EXTL2: variants seen among roughly 807,000 people sequenced by gnomAD.
EXTL2 encodes the protein exostosin like glycosyltransferase 2, also known as exostosin-like 2.
In EXTL2, 23 loss-of-function variants were observed where a neutral mutation model predicts 30.7. The ratio of observed to expected loss-of-function variants is 0.75; its 90% CI spans 0.54 to 1.06. The LOEUF (loss-of-function observed/expected upper bound fraction) is 1.06, where lower values mean the gene tolerates loss of function less well. Ranked by LOEUF, EXTL2 falls within the 50% of genes least tolerant of loss-of-function variation. The pLI, the probability that EXTL2 is intolerant of heterozygous loss-of-function variation, is 0.00. For synonymous variants in EXTL2, 123 were observed against 133.8 expected, an observed-to-expected ratio of 0.92 and a Z score of 0.56; for missense variants, 352 against 396.3, an observed-to-expected ratio of 0.89 and a Z score of 0.95.
intron 2 of EXTL2, among the ~76,000 whole-genome samples, chr1:100,882,951 C>G (rs1285732192): frequency 6.6e-6 from 1 of 152,192 alleles, no homozygotes; most frequent in Non-Finnish European, 1.5e-5. Flanking sequence ...TCAGGGTCCT[C>G]CTTAGCCAGT....
chr1:100,890,857 C>G (rs1403860363), intron 1 of EXTL2, among the ~76,000 whole-genome samples: 2 of 152,216 alleles, frequency 1.3e-5, no homozygotes, highest in Admixed American at 1.3e-4. Context: ...TACCCATTAC[C>G]CAGTTCCAAA....
chr1:100,875,539 G>A lies in EXTL2; in HGVS notation c.505-1109C>T, dbSNP rs539237652. On this transcript the variant is annotated intron_variant, in intron 4 of 4. Coordinates refer to ENST00000370114, the MANE Select transcript of EXTL2 (RefSeq NM_001033025.3). ...AAGAAATTTCACAATTGGCTAGAGA[G>A]GGAAAAGGGAAAACACTAAAAGTGG... Among the ~76,000 whole-genome samples the A allele has an allele frequency of 4.6e-5, 7 of 151,950 alleles. No homozygotes were observed. In the South Asian group the frequency reaches 1.2e-3, roughly 27 times the overall value.
rs1393529040 is a variant in EXTL2 at position 100,894,688 on chromosome 1, TATC to T, written c.-130_-128del. ...CCGATTTATTTCCCTGCAGCTTAGT[TATC>T]ATAAAACGGAAGGGGCGTCTCGTTT... On this transcript the variant is annotated 5_prime_UTR_variant, in exon 1 of 5. The change abolishes an upstream ATG in the 5' untranslated region. Coordinates refer to ENST00000370114, the MANE Select transcript of EXTL2 (RefSeq NM_001033025.3). 1 of 152,182 alleles carries T rather than the reference TATC, an allele frequency of 6.6e-6. No individual in the cohort carries two copies. Among genetic ancestry groups the T allele is most frequent in the Non-Finnish European group, 1.5e-5 (1 of 68,030 alleles). The allele number at this position is 152,182 out of a possible 1,614,324, so 9.4% of individuals were successfully genotyped here. A position where few individuals can be genotyped will look rare whatever the true frequency, so the allele number is the denominator to read the frequency against.
At chr1:100,892,651 C>T (rs1557963819) in intron 1 of EXTL2, among the ~76,000 whole-genome samples, 1 of 152,084 alleles carries the variant, frequency 6.6e-6, no homozygotes, top group Admixed American at 6.5e-5. Context: ...CCAGAGAACC[C>T]TAATATAAGG....
At chr1:100,894,173 T>C (rs1388015931) in intron 1 of EXTL2, among the ~76,000 whole-genome samples, 1 of 152,148 alleles carries the variant, frequency 6.6e-6, no homozygotes, top group Non-Finnish European at 1.5e-5. Flanking sequence ...TCTCCCAAGT[T>C]AAATCATATT....
chr1:100,879,050 T>A (rs1037138170), intron 2 of EXTL2, among the ~76,000 whole-genome samples: 2 of 152,164 alleles, frequency 1.3e-5, no homozygotes, highest in African/African-American at 4.8e-5. Context: ...AGTCTAGCTA[T>A]CCACTGTCAA....
chr1:100,877,106 T>C lies in EXTL2; in HGVS notation c.434-242A>G, dbSNP rs951731217. Among the ~76,000 whole-genome samples, 2 of 152,018 alleles carry C rather than the reference T, an allele frequency of 1.3e-5. No homozygotes were observed. The highest frequency in any genetic ancestry group is 2.4e-5 in the African/African-American group (1 of 41,400). On this transcript the variant is annotated intron_variant, in intron 3 of 4. Transcript: ENST00000370114. This position sits in a 1 kb window ranked among gnomAD's most constrained non-coding sequence, Gnocchi z 4.1. ...TTATTATCCATCATCCTAGAAACTATTGGGCCTATAAATGAATAAAGCCAA... is the reference window on the plus strand; with the variant it reads ...TTATTATCCATCATCCTAGAAACTACTGGGCCTATAAATGAATAAAGCCAA...
At chr1:100,888,874 A>T (rs1570474031) in intron 1 of EXTL2, 46 bp from the exon 2 acceptor site, 1 of 689,578 alleles carries the variant, frequency 1.5e-6, no homozygotes, top group Non-Finnish European at 2.3e-6. Context: ...TCTGTCAGTC[A>T]GCAGGAAATT....
intron 1 of EXTL2, among the ~76,000 whole-genome samples, chr1:100,891,102 T>C (rs899919425): frequency 1.3e-5 from 2 of 152,250 alleles, no homozygotes; most frequent in African/African-American, 4.8e-5. Context: ...AAGAATATGT[T>C]TATGCATGTA....
chr1:100,882,779 G>A (rs1380532853), intron 2 of EXTL2, among the ~76,000 whole-genome samples: 2 of 152,188 alleles, frequency 1.3e-5, no homozygotes, highest in Non-Finnish European at 2.9e-5. Context: ...AGCTGTGATT[G>A]CATCACTGCA....
intron 4 of EXTL2, 42 bp from the exon 5 acceptor site, chr1:100,874,472 TAG>T: frequency 6.8e-7 from 1 of 1,463,442 alleles, no homozygotes; most frequent in East Asian, 2.3e-5. Flanking sequence ...CACATATTTT[TAG>T]AGAAGACATA....
intron 4 of EXTL2, among the ~76,000 whole-genome samples, chr1:100,876,008 T>A (rs1056796395): frequency 1.3e-5 from 2 of 152,118 alleles, no homozygotes; most frequent in African/African-American, 4.8e-5. Flanking sequence ...AATGCTGATA[T>A]CTGCTGAGTA....
chr1:100,878,696 T>C (rs1649323612), intron 2 of EXTL2, among the ~76,000 whole-genome samples: 1 of 152,122 alleles, frequency 6.6e-6, no homozygotes, highest in Non-Finnish European at 1.5e-5. Flanking sequence ...AGTTCTTGGA[T>C]CTAATTTATT....
chr1:100,893,052 G>A (rs1388524478), intron 1 of EXTL2, among the ~76,000 whole-genome samples: 4 of 152,148 alleles, frequency 2.6e-5, no homozygotes, highest in Non-Finnish European at 5.9e-5. Flanking sequence ...ACACGTCTGA[G>A]CAGCTGGGGT....
chr1:100,886,052 A>G (rs1020666627), intron 2 of EXTL2: 4 of 152,250 alleles, frequency 2.6e-5, no homozygotes, highest in Admixed American at 6.5e-5. Flanking sequence ...ATGGCCAATT[A>G]CAGTGATATG....
chr1:100,891,741 T>C (rs1650438415), intron 1 of EXTL2, among the ~76,000 whole-genome samples: 1 of 152,254 alleles, frequency 6.6e-6, no homozygotes, highest in Non-Finnish European at 1.5e-5. Context: ...TTGCAAATCT[T>C]ATGACCTCTG....
intron 2 of EXTL2, among the ~76,000 whole-genome samples, chr1:100,885,336 G>T (rs552805866): frequency 6.6e-6 from 1 of 152,144 alleles, no homozygotes; most frequent in Non-Finnish European, 1.5e-5. Flanking sequence ...TCATTTGATG[G>T]ATAATATCAT....
At chr1:100,888,377 C>A (rs1207746804) in intron 2 of EXTL2, 5 of 168,722 alleles carry the variant, frequency 3.0e-5, no homozygotes, top group Non-Finnish European at 6.3e-5. Flanking sequence ...TCTGTTTTTA[C>A]AAATTAGGGA....
chr1:100,890,272 G>A (rs570131467), intron 1 of EXTL2, among the ~76,000 whole-genome samples: 12 of 152,294 alleles, frequency 7.9e-5, no homozygotes, highest in African/African-American at 2.9e-4. Flanking sequence ...CTGAGATGCA[G>A]GGCACCAAGT....
Sources: allele counts gnomAD v4.1 joint callset (sites outside exome capture counted in the v4.1 genomes callset), GRCh38; gene constraint gnomAD v4.1.1; non-coding constraint Gnocchi (gnomAD v3.1); transcripts MANE v1.5; gene names NCBI Gene and HGNC (gene_info 2026-07-23, HGNC 2026-07-21).